The following RPL7A variants were observed in gnomAD, a reference collection of about 807,000 sequenced individuals.
RPL7A encodes the protein ribosomal protein L7a.
For synonymous variants in RPL7A, 158 were observed against 128.2 expected (o/e 1.23, Z -1.57); for missense variants, 291 against 338.2 (o/e 0.86, Z 1.09).
intron 3 of RPL7A, 50 bp downstream of exon 3, chr9:133,349,750 T>G (rs2129988383): frequency 1.9e-6 from 3 of 1,607,092 alleles, no homozygotes; most frequent in Middle Eastern, 1.7e-4. Flanking sequence ...GATTCCTTAT[T>G]TCATCCAGAA....
chr9:133,349,136 G>A, intron 2 of RPL7A, 94 bp downstream of exon 2: 1 of 1,457,286 alleles, frequency 6.9e-7, no homozygotes, highest in Non-Finnish European at 9.4e-7. Context: ...TTTAGTGGGT[G>A]TAAAGTGGTC....
chr9:133,350,959 C>T, intron 6 of RPL7A, 43 bp from the exon 7 acceptor site: 1 of 1,604,086 alleles, frequency 6.2e-7, no homozygotes, highest in Non-Finnish European at 8.5e-7. Context: ...AAAAGGGAAA[C>T]TAAGGCAAAA....
intron 7 of RPL7A, 64 bp downstream of exon 7, chr9:133,351,135 GCTTAACCT>G: frequency 6.3e-7 from 1 of 1,578,918 alleles, no homozygotes; most frequent in South Asian, 1.1e-5. Context: ...TAACTGGCTG[GCTTAACCT>G]ATGAGAAGTT....
rs782686402 is a variant in RPL7A, at chr9:133,351,311, G to T, written c.746G>T (p.Arg249Leu). ...GNVLGPKSVA[R>L]IAKLEKAKAK... is the part of the protein sequence containing the mutation. The stretch of plus-strand genomic sequence containing the variant: ...GTCCTGGGTCCTAAGTCTGTGGCTC[G>T]TATCGCCAAGCTCGAAAAGGCAAAG... The change falls in exon 8 of 8, where the codon CGT (arginine) becomes CTT (leucine). Residue 249 changes from arginine (R) to leucine (L), a missense_variant. Arg to Leu is a moderately radical substitution (Grantham distance 102). Transcript: ENST00000323345. The T allele has an allele frequency of 2.5e-6, 4 of 1,613,606 alleles. No homozygotes were observed. Among genetic ancestry groups the T allele is most frequent in the South Asian group, 2.2e-5 (2 of 91,062 alleles).
At chr9:133,350,810 A>C (rs1210790302) in intron 6 of RPL7A, 83 bp downstream of exon 6, 4 of 1,590,302 alleles carry the variant, frequency 2.5e-6, no homozygotes, top group Admixed American at 1.7e-5. Context: ...CTTAAAGGCC[A>C]ATCTTTTAGT....
In RPL7A at chr9:133,350,913, A is replaced by AAG. The variant is rs2129996918; in HGVS notation, c.627-87_627-86dup. On this transcript the variant is annotated intron_variant, in intron 6 of 7. Coordinates refer to ENST00000323345, the MANE Select transcript of RPL7A (RefSeq NM_000972.3). The stretch of plus-strand genomic sequence containing the variant: ...GTGGTCAGCATTGCATCTGAGGCAA[A>AAG]AGACTGTCTTGAGCTAAAAGGTATT... The AAG allele has an allele frequency of 2.0e-6, 3 of 1,527,410 alleles. No homozygotes were observed. The East Asian group carries it at 6.7e-5, about 34-fold the overall frequency. 94.6% of individuals were successfully genotyped at this position (1,527,410 alleles called of 1,614,324 possible). A position where few individuals can be genotyped will look rare whatever the true frequency, so the allele number is the denominator to read the frequency against.
chr9:133,350,323 C>A lies in RPL7A; in HGVS notation c.495+4C>A, dbSNP rs587673924. On this transcript the variant is annotated splice_donor_region_variant and intron_variant, in intron 5 of 7. Transcript: ENST00000323345. ...ACACGACGTGGATCCCATCGAGGTG[C>A]GTTTGCCTGTTGACTGCTAACCCAA... The A allele has an allele frequency of 1.2e-6, 2 of 1,613,752 alleles. No homozygotes were observed. The highest frequency in any genetic ancestry group is 1.7e-6 in the Non-Finnish European group (2 of 1,179,930).
chr9:133,348,721 T>A, intron 1 of RPL7A: 1 of 818,630 alleles, frequency 1.2e-6, no homozygotes, highest in Non-Finnish European at 2.1e-6. Flanking sequence ...CCACTCGGGG[T>A]TCCCGGGGCT....
chr9:133,348,763 C>T, intron 1 of RPL7A, 159 bp from the exon 2 acceptor site: 1 of 1,072,894 alleles, frequency 9.3e-7, no homozygotes. Flanking sequence ...TGAGATGCTC[C>T]TGTCGAGGGG....
At chr9:133,350,773 C>G (rs2129996017) in intron 6 of RPL7A, 46 bp downstream of exon 6, 3 of 1,607,106 alleles carry the variant, frequency 1.9e-6, no homozygotes, top group Non-Finnish European at 2.6e-6. Context: ...TTCATTTAAT[C>G]CATGCCTCAC....
At position 133,348,768 on chromosome 9, in the gene RPL7A, G is replaced by C. The variant is rs2129980729; in HGVS notation, c.4-154G>C. The stretch of plus-strand genomic sequence containing the variant: ...CGGCTGAATGTGAGATGCTCCTGTC[G>C]AGGGGTGGTGCTGGGGGGTTGCAGA... On this transcript the variant is annotated intron_variant, in intron 1 of 7. Coordinates refer to ENST00000323345, the MANE Select transcript of RPL7A (RefSeq NM_000972.3). 130 of 1,117,898 alleles carry C rather than the reference G, an allele frequency of 1.2e-4. No homozygotes were observed. In the African/African-American group the frequency reaches 1.8e-3, roughly 15 times the overall value. The allele number at this position is 1,117,898 out of a possible 1,614,324, so 69.2% of individuals were successfully genotyped here.
At chr9:133,348,324 C>T in intron 1 of RPL7A, 78 bp downstream of exon 1, 3 of 1,589,818 alleles carry the variant, frequency 1.9e-6, no homozygotes, top group Non-Finnish European at 2.6e-6. Context: ...GGCGCGGCCT[C>T]GGAGGGCCTC....
Position 133,349,642 on chromosome 9 carries a change from G to A in RPL7A, c.216G>A (p.Lys72=). 2 of 1,614,070 alleles carry A rather than the reference G, an allele frequency of 1.2e-6. No homozygotes were observed. The highest frequency in any genetic ancestry group is 1.7e-6 in the Non-Finnish European group (2 of 1,180,020). Residue 72 remains lysine (K), a synonymous_variant, in exon 3 of 8, where the codon AAG becomes AAA. Coordinates refer to ENST00000323345, the MANE Select transcript of RPL7A (RefSeq NM_000972.3). ...RLQRQRAILY[K]RLKVPPAINQ... is the part of the protein sequence containing the mutation. ...AGCGGCAGAGAGCCATCCTCTATAA[G>A]CGGCTGAAAGTGCCTCCTGCGATTA...
At chr9:133,350,509 G>A in intron 5 of RPL7A, 88 bp from the exon 6 acceptor site, 1 of 1,604,258 alleles carries the variant, frequency 6.2e-7, no homozygotes, top group Non-Finnish European at 8.5e-7. Flanking sequence ...GAATCCATGA[G>A]CTTTTTAACC....
chr9:133,348,572 T>C, intron 1 of RPL7A: 2 of 595,298 alleles, frequency 3.4e-6, no homozygotes, highest in Non-Finnish European at 3.0e-6. Context: ...TCCAGAGGCC[T>C]TGTGAGCGAC....
At chr9:133,350,345 C>G in intron 5 of RPL7A, 26 bp downstream of exon 5, 1 of 1,611,624 alleles carries the variant, frequency 6.2e-7, no homozygotes, top group African/African-American at 1.3e-5. Flanking sequence ...GACTGCTAAC[C>G]CAAGGGCTTC....
intron 1 of RPL7A, chr9:133,348,593 C>T (rs1229077014): frequency 5.0e-6 from 3 of 599,620 alleles, no homozygotes; most frequent in African/African-American, 1.9e-5. Flanking sequence ...GAGTTCTGAG[C>T]CCGCCCCTGT....
At position 133,349,925 on chromosome 9, in the gene RPL7A, T is replaced by C. The variant is rs1300175304; in HGVS notation, c.288T>C (p.Leu96=). 1.2e-6 allele frequency: 2 copies of C among 1,611,588 alleles called. No homozygotes were observed. Among genetic ancestry groups the C allele is most frequent in the Non-Finnish European group, 1.7e-6 (2 of 1,179,994 alleles). ...ALDRQTATQL[L]KLAHKYRPET... Reference sequence around the variant, plus strand: ...GTGTTTTTCCAGCTACTCAGCTGCTTAAGCTGGCCCACAAGTACAGACCAG... The same window carrying C: ...GTGTTTTTCCAGCTACTCAGCTGCTCAAGCTGGCCCACAAGTACAGACCAG... Residue 96 remains leucine (L), a synonymous_variant, in exon 4 of 8, where the codon CTT becomes CTC. Coordinates refer to ENST00000323345, the MANE Select transcript of RPL7A (RefSeq NM_000972.3).
rs2129992448 is a variant in RPL7A, at chr9:133,350,251, G to A, written c.427G>A (p.Val143Ile). ...GTTGTGTGTTCTAGGAGTTAACACCGTCACCACCTTGGTGGAGAACAAGAA... is the reference window on the plus strand; with the variant it reads ...GTTGTGTGTTCTAGGAGTTAACACCATCACCACCTTGGTGGAGAACAAGAA... ...PPVLRAGVNT[V>I]TTLVENKKAQ... is the part of the protein sequence containing the mutation. The change falls in exon 5 of 8, where the codon GTC (valine) becomes ATC (isoleucine). Residue 143 changes from valine (V) to isoleucine (I), a missense_variant. Coordinates refer to ENST00000323345, the MANE Select transcript of RPL7A (RefSeq NM_000972.3). 2.0e-5 allele frequency: 33 copies of A among 1,613,766 alleles called. No individual in the cohort carries two copies. The highest frequency in any genetic ancestry group is 6.7e-5 in the African/African-American group (5 of 74,868).
Sources: gnomAD v4.1 joint callset for allele counts on GRCh38, gnomAD v4.1.1 for gene constraint, MANE v1.5 for transcripts, NCBI Gene and HGNC (gene_info 2026-07-23, HGNC 2026-07-21) for gene names.